The following PDLIM5 variants were observed in gnomAD, a reference collection of about 807,000 sequenced individuals.
The protein encoded by PDLIM5 is PDZ and LIM domain 5.
A neutral mutation model predicts 64.2 loss-of-function variants in PDLIM5; 34 were observed. The observed-to-expected ratio is 0.53, with a 90% CI of 0.40 to 0.71. The LOEUF is 0.71. Ranked by LOEUF, PDLIM5 falls within the 30% of genes least tolerant of loss-of-function variation. PDLIM5 has a pLI of 0.00. For synonymous variants in PDLIM5, 253 were observed against 269.1 expected, an observed-to-expected ratio of 0.94 and a Z score of 0.59; for missense variants, 683 against 733.6, an observed-to-expected ratio of 0.93 and a Z score of 0.80.
intron 2 of PDLIM5, among the ~76,000 whole-genome samples, chr4:94,495,097 G>A (rs1191520214): frequency 6.6e-6 from 1 of 152,104 alleles, no homozygotes; most frequent in East Asian, 1.9e-4. Flanking sequence ...CACTGTTTCT[G>A]ACATATAATA....
chr4:94,585,476 A>T (rs1412855174), intron 5 of PDLIM5, 89 bp from the exon 6 acceptor site: 2 of 745,772 alleles, frequency 2.7e-6, no homozygotes, highest in Non-Finnish European at 4.0e-6. Context: ...AAGATTAATC[A>T]TATAAATTAT....
chr4:94,582,887 A>T (rs946970454), intron 5 of PDLIM5: 1 of 599,668 alleles, frequency 1.7e-6, no homozygotes, highest in Non-Finnish European at 3.0e-6. Flanking sequence ...TTTATGCTAG[A>T]TAATTTTGTA....
chr4:94,536,992 C>T (rs561308774), intron 3 of PDLIM5, among the ~76,000 whole-genome samples: 42 of 152,292 alleles, frequency 2.8e-4, no homozygotes, highest in African/African-American at 1.0e-3. Flanking sequence ...CCTGCATTTT[C>T]ATTGTAAGTC....
Position 94,530,064 on chromosome 4 carries a change from A to G in PDLIM5, c.248+6189A>G, listed in dbSNP as rs145915002. Reference sequence around the variant, plus strand: ...GGTGTTTAACTGTTCCATTTATTTCAGTAGTTAGCTACATAGTAGGACATA... The same window carrying G: ...GGTGTTTAACTGTTCCATTTATTTCGGTAGTTAGCTACATAGTAGGACATA... On this transcript the variant is annotated intron_variant, in intron 3 of 12. Coordinates refer to ENST00000317968, the MANE Select transcript of PDLIM5 (RefSeq NM_006457.5). Among the ~76,000 whole-genome samples, 430 of 152,286 alleles carry G rather than the reference A, an allele frequency of 2.8e-3. 5 individuals carry two copies. Among genetic ancestry groups the G allele is most frequent in the African/African-American group, 9.8e-3 (406 of 41,578 alleles).
intron 2 of PDLIM5, among the ~76,000 whole-genome samples, chr4:94,472,119 T>C (rs1428207070): frequency 6.6e-6 from 1 of 152,146 alleles, no homozygotes; most frequent in Non-Finnish European, 1.5e-5. Context: ...AAGGTTTTTA[T>C]GTAGGATTTT....
intron 8 of PDLIM5, among the ~76,000 whole-genome samples, chr4:94,625,264 A>G (rs1403037356): frequency 6.6e-6 from 1 of 152,146 alleles, no homozygotes; most frequent in East Asian, 1.9e-4. Context: ...AATTGTGTGT[A>G]CACACAACTC....
chr4:94,496,671 G>A (rs1000356210), intron 2 of PDLIM5, among the ~76,000 whole-genome samples: 14 of 152,148 alleles, frequency 9.2e-5, no homozygotes, highest in African/African-American at 3.1e-4. Context: ...TATATTTTTT[G>A]TAGAGACAGG....
chr4:94,580,668 G>A (rs866391857), intron 5 of PDLIM5, among the ~76,000 whole-genome samples: 14 of 152,132 alleles, frequency 9.2e-5, no homozygotes, highest in Admixed American at 1.3e-4. Flanking sequence ...TGTTCTAGGT[G>A]TTTCTAAATG....
At chr4:94,469,731 G>A (rs935223308) in intron 2 of PDLIM5, among the ~76,000 whole-genome samples, 1 of 152,104 alleles carries the variant, frequency 6.6e-6, no homozygotes, top group South Asian at 2.1e-4. Context: ...ATATCTCCAG[G>A]CTGGTATGTT....
intron 2 of PDLIM5, among the ~76,000 whole-genome samples, chr4:94,459,121 T>C (rs947319271): frequency 6.6e-6 from 1 of 152,210 alleles, no homozygotes; most frequent in African/African-American, 2.4e-5. Context: ...ATAGGAGACT[T>C]GTTGGATAAT....
At chr4:94,617,644 CAAAAAAAAA>C (rs61055444) in intron 7 of PDLIM5, among the ~76,000 whole-genome samples, 2 of 66,602 alleles carry the variant, frequency 3.0e-5, no homozygotes, top group East Asian at 1.1e-3. Flanking sequence ...CCTGTGTCTA[CAAAAAAAAA>C]AAAAAAAAAA....
At chr4:94,663,169 T>C (rs553058415) in intron 12 of PDLIM5, among the ~76,000 whole-genome samples, 11 of 152,332 alleles carry the variant, frequency 7.2e-5, no homozygotes, top group African/African-American at 2.4e-4. Context: ...TGTTTGACTT[T>C]TTAAAATTAG....
intron 7 of PDLIM5, among the ~76,000 whole-genome samples, chr4:94,614,053 C>T (rs558410063): frequency 2.7e-5 from 4 of 150,442 alleles, no homozygotes; most frequent in East Asian, 3.9e-4. Context: ...ACCTCCGCCT[C>T]GCGGGTTCAA....
intron 8 of PDLIM5, among the ~76,000 whole-genome samples, chr4:94,619,843 G>A (rs1739083714): frequency 6.6e-6 from 1 of 151,792 alleles, no homozygotes; most frequent in South Asian, 2.1e-4. Context: ...GGCTGCCCTC[G>A]AACTCCTGAG....
At chr4:94,599,435 A>G (rs1377733130) in intron 7 of PDLIM5, among the ~76,000 whole-genome samples, 1 of 152,186 alleles carries the variant, frequency 6.6e-6, no homozygotes, top group Non-Finnish European at 1.5e-5. Flanking sequence ...GTACAGTAAA[A>G]AAAGCTAATA....
At chr4:94,632,082 G>C (rs150177313) in intron 8 of PDLIM5, among the ~76,000 whole-genome samples, 2 of 152,354 alleles carry the variant, frequency 1.3e-5, no homozygotes, top group African/African-American at 2.4e-5. Flanking sequence ...CAGGCTCTTA[G>C]CATAAACTTG....
intron 9 of PDLIM5, among the ~76,000 whole-genome samples, chr4:94,644,816 A>G (rs1333066734): frequency 6.6e-6 from 1 of 152,052 alleles, no homozygotes; most frequent in African/African-American, 2.4e-5. Flanking sequence ...GCTGGGATTA[A>G]CAGGCGTAAG....
intron 7 of PDLIM5, chr4:94,608,305 A>G (rs1330863619): frequency 4.1e-6 from 2 of 483,892 alleles, no homozygotes; most frequent in Non-Finnish European, 6.8e-6. Context: ...ATAGACAAGA[A>G]AGCTTGGCAC....
Position 94,576,040 on chromosome 4 carries a change from T to C in PDLIM5, c.710+6T>C. On this transcript the variant is annotated splice_donor_region_variant and intron_variant, in intron 5 of 12. Coordinates refer to ENST00000317968, the MANE Select transcript of PDLIM5 (RefSeq NM_006457.5). ...GACAGTAAACAGCAAAATGGGTAGGTGGCTAAGGTGCTTTCTGCTCTTACT... is the reference window on the plus strand; with the variant it reads ...GACAGTAAACAGCAAAATGGGTAGGCGGCTAAGGTGCTTTCTGCTCTTACT... The C allele has an allele frequency of 6.2e-7, 1 of 1,607,224 alleles. No homozygotes were observed.
Sources: allele counts gnomAD v4.1 joint callset (sites outside exome capture counted in the v4.1 genomes callset), GRCh38; gene constraint gnomAD v4.1.1; transcripts MANE v1.5; gene names NCBI Gene and HGNC (gene_info 2026-07-23, HGNC 2026-07-21).